The following MTA3 variants were observed in gnomAD, a reference collection of about 807,000 sequenced individuals.
MTA3 encodes the protein metastasis associated 1 family member 3.
MTA3 carries 34 observed loss-of-function variants against 83.5 expected under a neutral mutation model. That is an observed-to-expected ratio of 0.41 (90% CI 0.31 to 0.54). The LOEUF is 0.54. Among genes scored for constraint, MTA3 ranks in the 20% least tolerant of loss-of-function variants. MTA3 has a pLI of 0.33. For missense variants in MTA3, 761 were observed against 726.4 expected (o/e 1.05, Z -0.55); for synonymous variants, 303 against 252.7 (o/e 1.20, Z -1.89).
intron 2 of MTA3, among the ~76,000 whole-genome samples, chr2:42,510,117 G>A (rs1442631908): frequency 1.3e-5 from 2 of 152,048 alleles, no homozygotes; most frequent in African/African-American, 4.8e-5. Context: ...CTTGAGGTCA[G>A]GAGTTCAAGA....
intron 3 of MTA3, among the ~76,000 whole-genome samples, chr2:42,588,679 A>G (rs1017860682): frequency 5.9e-5 from 9 of 152,176 alleles, no homozygotes; most frequent in African/African-American, 1.9e-4. Context: ...TATACTTCTT[A>G]CTATTCACCT....
At chr2:42,500,416 G>T (rs1423708615) in intron 2 of MTA3, among the ~76,000 whole-genome samples, 1 of 151,992 alleles carries the variant, frequency 6.6e-6, no homozygotes, top group Admixed American at 6.6e-5. Context: ...AAATTAGCTG[G>T]GTGTGGTGGC....
At chr2:42,738,410 G>C (rs919854073) in intron 16 of MTA3, among the ~76,000 whole-genome samples, 17 of 152,180 alleles carry the variant, frequency 1.1e-4, no homozygotes, top group African/African-American at 4.1e-4. Flanking sequence ...AAATTGTAAA[G>C]ATTTCATGGA....
intron 11 of MTA3, among the ~76,000 whole-genome samples, chr2:42,701,549 A>G (rs1665559080): frequency 6.6e-6 from 1 of 151,766 alleles, no homozygotes; most frequent in African/African-American, 2.4e-5. Context: ...GTGAGTGGTG[A>G]TCACACCACT....
At chr2:42,632,557 T>A (rs1180903885) in intron 4 of MTA3, among the ~76,000 whole-genome samples, 11 of 152,168 alleles carry the variant, frequency 7.2e-5, no homozygotes, top group Non-Finnish European at 1.5e-4. Context: ...TTTCACTTTC[T>A]CCTGTAAGAG....
At chr2:42,612,128 GATTA>G (rs1438842146) in intron 4 of MTA3, among the ~76,000 whole-genome samples, 1 of 152,180 alleles carries the variant, frequency 6.6e-6, no homozygotes, top group African/African-American at 2.4e-5. Flanking sequence ...AATAGTAGGT[GATTA>G]ATTTTTGTTC....
chr2:42,630,066 A>G (rs1365887653), intron 4 of MTA3, among the ~76,000 whole-genome samples: 4 of 152,130 alleles, frequency 2.6e-5, no homozygotes, highest in Non-Finnish European at 5.9e-5. Flanking sequence ...ATGAGCTAAC[A>G]CACCCGGCAA....
At chr2:42,752,664 C>T (rs893271513) in intron 16 of MTA3, among the ~76,000 whole-genome samples, 2 of 152,166 alleles carry the variant, frequency 1.3e-5, no homozygotes, top group African/African-American at 4.8e-5. Flanking sequence ...TGGGTGCCCA[C>T]ATCATTATGA....
At chr2:42,550,858 A>G (rs1158311090) in intron 2 of MTA3, among the ~76,000 whole-genome samples, 4 of 152,064 alleles carry the variant, frequency 2.6e-5, no homozygotes, top group Non-Finnish European at 4.4e-5. Flanking sequence ...CCTGGCCAAC[A>G]TGGCGAAACC....
intron 14 of MTA3, among the ~76,000 whole-genome samples, chr2:42,715,406 C>CTTTTTTTT (rs35673744): frequency 9.6e-6 from 1 of 104,170 alleles, no homozygotes; most frequent in Non-Finnish European, 1.9e-5. Flanking sequence ...CCACCAACTA[C>CTTTTTTTT]TTTTTTTTTT....
At chr2:42,729,381 G>T (rs941827861) in intron 16 of MTA3, among the ~76,000 whole-genome samples, 1 of 152,056 alleles carries the variant, frequency 6.6e-6, no homozygotes, top group Non-Finnish European at 1.5e-5. Context: ...GATTACAGGC[G>T]TGAGCCACTG....
At chr2:42,649,353 C>T (rs2104335768) in intron 6 of MTA3, among the ~76,000 whole-genome samples, 1 of 151,482 alleles carries the variant, frequency 6.6e-6, no homozygotes, top group East Asian at 1.9e-4. Flanking sequence ...GCAGAGGTTG[C>T]AGTGAGCCAA....
chr2:42,615,416 T>A (rs975947564), intron 4 of MTA3, among the ~76,000 whole-genome samples: 2 of 152,088 alleles, frequency 1.3e-5, no homozygotes, highest in Non-Finnish European at 2.9e-5. Flanking sequence ...GGCCTAGTGC[T>A]GCGATCTCGA....
chr2:42,543,147 C>A (rs760303840), intron 2 of MTA3, among the ~76,000 whole-genome samples: 24 of 152,018 alleles, frequency 1.6e-4, no homozygotes, highest in Non-Finnish European at 3.2e-4. Context: ...CAACTGTTTG[C>A]TGGAATTCAG....
intron 16 of MTA3, among the ~76,000 whole-genome samples, chr2:42,749,446 C>T (rs1204146544): frequency 1.3e-5 from 2 of 152,078 alleles, no homozygotes; most frequent in South Asian, 2.1e-4. Flanking sequence ...TACTTTCAAA[C>T]AGTTGTTCTT....
At position 42,640,222 on chromosome 2, in the gene MTA3, T is replaced by C; in HGVS notation, c.367T>C (p.Tyr123His). ...LLNETESVLS[Y>H]LDKEDTFFYS... is the part of the protein sequence containing the mutation. ...GAATGAGACAGAATCAGTATTGTCA[T>C]ATCTTGATAAGGAGGTAATTCACAA... is the stretch of plus-strand genomic sequence containing the variant. Residue 123 changes from tyrosine to histidine, a missense_variant, in exon 5 of 17, where the codon TAT becomes CAT. Transcript: ENST00000405094. 1 of 1,606,972 alleles carries C rather than the reference T, an allele frequency of 6.2e-7. No homozygotes were observed. Among genetic ancestry groups the C allele is most frequent in the Non-Finnish European group, 8.5e-7 (1 of 1,177,174 alleles).
At chr2:42,715,675 G>T (rs757398473) in intron 14 of MTA3, among the ~76,000 whole-genome samples, 4 of 152,128 alleles carry the variant, frequency 2.6e-5, no homozygotes, top group Non-Finnish European at 5.9e-5. Flanking sequence ...TTTTTAATGA[G>T]AAATTAGAAG....
At chr2:42,603,339 C>T (rs1226306369) in intron 3 of MTA3, among the ~76,000 whole-genome samples, 1 of 152,018 alleles carries the variant, frequency 6.6e-6, no homozygotes, top group Non-Finnish European at 1.5e-5. Context: ...GGATGGTGCT[C>T]TGTTGGTGCT....
chr2:42,611,848 G>A (rs959204029), intron 4 of MTA3, among the ~76,000 whole-genome samples: 2 of 152,110 alleles, frequency 1.3e-5, no homozygotes, highest in Non-Finnish European at 2.9e-5. Flanking sequence ...TAGATAAATA[G>A]ATAGATAGAG....
Sources: gnomAD v4.1 joint callset for allele counts (sites outside exome capture counted in the v4.1 genomes callset) on GRCh38, gnomAD v4.1.1 for gene constraint, MANE v1.5 for transcripts, NCBI Gene and HGNC (gene_info 2026-07-23, HGNC 2026-07-21) for gene names.